MEGF10: variants seen among roughly 807,000 people sequenced by gnomAD.
MEGF10 encodes multiple EGF like domains 10, also known as multiple epidermal growth factor-like domains protein 10.
MEGF10 carries 86 observed loss-of-function variants against 147.5 expected under a neutral mutation model. That is an observed-to-expected ratio of 0.58 (90% CI 0.49 to 0.70). The LOEUF (loss-of-function observed/expected upper bound fraction) is 0.70. Among genes scored for constraint, MEGF10 ranks in the 30% least tolerant of loss-of-function variants. MEGF10 has a pLI of 0.00. For missense variants in MEGF10, 1,329 were observed against 1,487.3 expected, an observed-to-expected ratio of 0.89 and a Z score of 1.75; for synonymous variants, 478 against 525.5, an observed-to-expected ratio of 0.91 and a Z score of 1.24.
At chr5:127,416,246 T>C (rs140603270) in intron 9 of MEGF10, among the ~76,000 whole-genome samples, 3,936 of 152,006 alleles carry the variant, frequency 0.026, 52 homozygotes, top group East Asian at 0.049. Flanking sequence ...GCCAGGATGG[T>C]CTAGATCTCC....
In MEGF10 at chr5:127,339,112, C is replaced by T; in HGVS notation, c.117-8C>T. On this transcript the variant is annotated splice_region_variant and splice_polypyrimidine_tract_variant and intron_variant, in intron 2 of 24. Coordinates refer to ENST00000503335, the MANE Select transcript of MEGF10 (RefSeq NM_001256545.2). Reference sequence around the variant, plus strand: ...ATACTGATTTCTTATTTTTCCATTTCTTTTCAGCTACTCAGTGACTGTGCA... The same window carrying T: ...ATACTGATTTCTTATTTTTCCATTTTTTTTCAGCTACTCAGTGACTGTGCA... The T allele has an allele frequency of 1.3e-6, 2 of 1,555,318 alleles. No individual in the cohort carries two copies. Among genetic ancestry groups the T allele is most frequent in the Non-Finnish European group, 1.8e-6 (2 of 1,137,582 alleles).
chr5:127,335,552 G>A (rs1345138154), intron 2 of MEGF10, among the ~76,000 whole-genome samples: 1 of 152,150 alleles, frequency 6.6e-6, no homozygotes, highest in African/African-American at 2.4e-5. Context: ...ACCCCTTGAA[G>A]AATGACAACT....
chr5:127,247,282 G>A, the MEGF10 span, among the ~76,000 whole-genome samples: 2 of 123,820 alleles, frequency 1.6e-5, no homozygotes, highest in Admixed American at 9.7e-5. Context: ...TGTGTGTGTG[G>A]TTGGGGGGTG....
chr5:127,280,407 G>A, the MEGF10 span, among the ~76,000 whole-genome samples: 1 of 152,124 alleles, frequency 6.6e-6, no homozygotes, highest in South Asian at 2.1e-4. Flanking sequence ...CATGAAGTGT[G>A]TGCTCAGCCA....
chr5:127,242,035 A>G, the MEGF10 span, among the ~76,000 whole-genome samples: 33 of 152,212 alleles, frequency 2.2e-4, no homozygotes, highest in Non-Finnish European at 4.3e-4. Flanking sequence ...CATGACCCCA[A>G]AAGGTTACGT....
At chr5:127,300,357 A>C (rs1759712947) in intron 1 of MEGF10, among the ~76,000 whole-genome samples, 1 of 152,074 alleles carries the variant, frequency 6.6e-6, no homozygotes, top group Non-Finnish European at 1.5e-5. Flanking sequence ...CACTTTTTTT[A>C]AAAATAGGAA....
chr5:127,284,071 T>A, the MEGF10 span, among the ~76,000 whole-genome samples: 1 of 152,194 alleles, frequency 6.6e-6, no homozygotes, highest in Non-Finnish European at 1.5e-5. Flanking sequence ...AAATACAATT[T>A]CCTCATCCAT....
the MEGF10 span, among the ~76,000 whole-genome samples, chr5:127,277,406 C>T: frequency 1.3e-5 from 2 of 152,044 alleles, no homozygotes; most frequent in East Asian, 1.9e-4. Flanking sequence ...GTCCTTCTGC[C>T]GAATTCTGCT....
the MEGF10 span, among the ~76,000 whole-genome samples, chr5:127,259,949 G>A: frequency 6.6e-6 from 1 of 152,076 alleles, no homozygotes; most frequent in African/African-American, 2.4e-5. Context: ...CTGAGGTCAG[G>A]AGTTCGAGAC....
chr5:127,435,881 A>G (rs544345014), intron 16 of MEGF10, among the ~76,000 whole-genome samples: 1 of 152,296 alleles, frequency 6.6e-6, no homozygotes, highest in East Asian at 1.9e-4. Flanking sequence ...TTAGAAACCT[A>G]TTGGGAACCT....
the MEGF10 span, among the ~76,000 whole-genome samples, chr5:127,282,037 G>A: frequency 6.6e-6 from 1 of 152,176 alleles, no homozygotes; most frequent in Non-Finnish European, 1.5e-5. Flanking sequence ...CTTTCCTCCT[G>A]TTGAAATGTG....
chr5:127,348,493 C>G (rs1320647763), intron 4 of MEGF10, among the ~76,000 whole-genome samples: 1 of 152,020 alleles, frequency 6.6e-6, no homozygotes, highest in African/African-American at 2.4e-5. Flanking sequence ...CCAGGTCACC[C>G]AAATATGCTA....
chr5:127,238,927 A>G, the MEGF10 span, among the ~76,000 whole-genome samples: 8 of 152,284 alleles, frequency 5.3e-5, no homozygotes, highest in Middle Eastern at 3.4e-3. Flanking sequence ...TAGAAAAGTG[A>G]AAGAATCATC....
chr5:127,450,101 G>A (rs1251372609), intron 22 of MEGF10, among the ~76,000 whole-genome samples: 2 of 152,230 alleles, frequency 1.3e-5, no homozygotes, highest in East Asian at 1.9e-4. Flanking sequence ...GGATTATCAT[G>A]TCTGCTTTTA....
intron 1 of MEGF10, among the ~76,000 whole-genome samples, chr5:127,304,480 T>C (rs1759923517): frequency 6.6e-6 from 1 of 152,070 alleles, no homozygotes; most frequent in African/African-American, 2.4e-5. Context: ...TCAGGACGTA[T>C]GTTCTTTTTT....
chr5:127,413,310 A>G (rs1197780055), intron 9 of MEGF10, among the ~76,000 whole-genome samples: 1 of 152,232 alleles, frequency 6.6e-6, no homozygotes, highest in Non-Finnish European at 1.5e-5. Flanking sequence ...TTTGAGATTT[A>G]ATAATATTCC....
At chr5:127,297,476 T>C (rs947055546) in intron 1 of MEGF10, among the ~76,000 whole-genome samples, 3 of 151,102 alleles carry the variant, frequency 2.0e-5, no homozygotes, top group African/African-American at 7.3e-5. Flanking sequence ...TAAGCCTGGG[T>C]ATAGTAAGAG....
At chr5:127,452,914 A>T (rs1199348790) in intron 22 of MEGF10, among the ~76,000 whole-genome samples, 1 of 152,178 alleles carries the variant, frequency 6.6e-6, no homozygotes, top group Non-Finnish European at 1.5e-5. Flanking sequence ...GACTCTTCAC[A>T]ACCCAGATGC....
At position 127,340,169 on chromosome 5, in the gene MEGF10, CT is replaced by C. The variant is rs572022547; in HGVS notation, c.219-360del. On this transcript the variant is annotated intron_variant, in intron 3 of 24. Coordinates refer to ENST00000503335, the MANE Select transcript of MEGF10 (RefSeq NM_001256545.2). Reference sequence around the variant, plus strand: ...TTAGTTCAATGGAGAGGTCTTTTGTCTGTTAGTCTTCTATATTATAATGGGA... The same window carrying C: ...TTAGTTCAATGGAGAGGTCTTTTGTCGTTAGTCTTCTATATTATAATGGGA... Among the ~76,000 whole-genome samples the C allele has an allele frequency of 9.4e-3, 1,422 of 152,068 alleles. 27 individuals are homozygous for C. The highest frequency in any genetic ancestry group is 0.011 in the Non-Finnish European group (748 of 68,002).
Sources: allele counts gnomAD v4.1 joint callset (sites outside exome capture counted in the v4.1 genomes callset), GRCh38; gene constraint gnomAD v4.1.1; transcripts MANE v1.5; gene names NCBI Gene and HGNC (gene_info 2026-07-23, HGNC 2026-07-21).